DCTN1: variants seen among roughly 807,000 people sequenced by gnomAD.
DCTN1 encodes the protein dynactin subunit 1.
Under a neutral mutation model 161.2 loss-of-function variants are expected in DCTN1, and 61 were observed. The observed-to-expected ratio is 0.38, with a 90% CI of 0.31 to 0.47. The LOEUF is 0.47. Ranked by LOEUF, DCTN1 falls within the 20% of genes least tolerant of loss-of-function variation. The probability of loss-of-function intolerance (pLI) is 0.99; values close to 1 mark genes in which losing one functional copy is unlikely to be tolerated. For missense variants in DCTN1, 1,404 were observed against 1,623.7 expected (o/e 0.86, Z 2.33); for synonymous variants, 653 against 632.4 (o/e 1.03, Z -0.49).
At chr2:74,362,904 G>C in intron 29 of DCTN1, 90 bp downstream of exon 29, 4 of 1,459,532 alleles carry the variant, frequency 2.7e-6, no homozygotes, top group Non-Finnish European at 1.9e-6. Flanking sequence ...AAGAGCTTCT[G>C]TGGTGGGGGA....
chr2:74,375,747 A>G lies in DCTN1; in HGVS notation c.414+995T>C, dbSNP rs188548083. 1.7e-4 allele frequency among the ~76,000 whole-genome samples: 26 copies of G among 152,278 alleles called. 2 individuals carry two copies. In the East Asian group the frequency reaches 5.0e-3, roughly 29 times the overall value. On this transcript the variant is annotated intron_variant, in intron 5 of 31. Coordinates refer to ENST00000628224, the MANE Select transcript of DCTN1 (RefSeq NM_004082.5). ...GATCCTTCACAGCATTATTTTCCTT[A>G]TATCCCCATTCCCTACCAAAGCAAG...
At chr2:74,388,381 C>A (rs1391727516) in intron 1 of DCTN1, among the ~76,000 whole-genome samples, 1 of 152,152 alleles carries the variant, frequency 6.6e-6, no homozygotes, top group African/African-American at 2.4e-5. Flanking sequence ...CATCTCTAAA[C>A]AACAAAACAA....
intron 1 of DCTN1, among the ~76,000 whole-genome samples, chr2:74,379,392 C>A (rs1446263169): frequency 6.6e-6 from 1 of 152,182 alleles, no homozygotes; most frequent in African/African-American, 2.4e-5. Context: ...CACCTCCCAG[C>A]CTATCACTGC....
intron 15 of DCTN1, 70 bp from the exon 16 acceptor site, chr2:74,368,950 C>G (rs745872581): frequency 1.0e-5 from 16 of 1,592,896 alleles, no homozygotes; most frequent in Non-Finnish European, 1.3e-5. Flanking sequence ...ATGCCTTGCT[C>G]CAGTAGATCC....
chr2:74,365,021 CAGGAG>C, intron 26 of DCTN1, 49 bp downstream of exon 26: 1 of 1,610,630 alleles, frequency 6.2e-7, no homozygotes, highest in Non-Finnish European at 8.5e-7. Flanking sequence ...AGGCCAAGGA[CAGGAG>C]AGAAGACAAT....
chr2:74,379,133 G>A (rs1018090070), intron 1 of DCTN1, among the ~76,000 whole-genome samples: 2 of 152,094 alleles, frequency 1.3e-5, no homozygotes, highest in Admixed American at 6.6e-5. Context: ...TCTTAGCTTC[G>A]GCACACCCAT....
In DCTN1 at chr2:74,367,689, C is replaced by A. The variant is rs775383543; in HGVS notation, c.2184+7G>T. The A allele has an allele frequency of 2.5e-6, 4 of 1,614,130 alleles. No homozygotes were observed. The Admixed American group carries it at 6.7e-5, about 27-fold the overall frequency. ...TCCTGCCCCAAGCCCAAATTCTTGC[C>A]CCACACCTGATAGTACTTGATGGCC... is the stretch of plus-strand genomic sequence containing the variant. On this transcript the variant is annotated splice_region_variant and intron_variant, in intron 18 of 31. Coordinates refer to ENST00000628224, the MANE Select transcript of DCTN1 (RefSeq NM_004082.5).
intron 16 of DCTN1, 83 bp downstream of exon 16, chr2:74,368,645 G>A (rs1674601085): frequency 3.8e-6 from 6 of 1,592,578 alleles, no homozygotes; most frequent in Non-Finnish European, 4.3e-6. Flanking sequence ...CAGAGACTCT[G>A]TTGTCTTCAC....
chr2:74,375,577 C>CCA (rs1202820363), intron 5 of DCTN1, among the ~76,000 whole-genome samples: 2 of 152,176 alleles, frequency 1.3e-5, no homozygotes, highest in African/African-American at 4.8e-5. Context: ...CAGGGTCAGA[C>CCA]CAGGCTGGGG....
chr2:74,376,940 T>G (rs1229026097), intron 4 of DCTN1, among the ~76,000 whole-genome samples, 178 bp from the exon 5 acceptor site: 1 of 151,704 alleles, frequency 6.6e-6, no homozygotes, highest in Non-Finnish European at 1.5e-5. Flanking sequence ...AGCTGCAGAG[T>G]CTGCAGCCCC....
At position 74,366,823 on chromosome 2, in the gene DCTN1, T is replaced by A. The variant is rs781268909; in HGVS notation, c.2426A>T (p.Asp809Val). The change falls in exon 21 of 32, where the codon GAT becomes GTT. Residue 809 changes from aspartate (D) to valine (V), a missense_variant. This residue lies in a region of DCTN1 where 475 missense variants were observed against 489.8 expected (regional missense o/e 0.97). Transcript: ENST00000628224. ...CAGTGCAGCTGGGATCCCAGGAGCA[T>A]CTGTCCCTGGCATTCGCCTTCGGAT... ...KKIRRRMPGT[D>V]APGIPAALAF... 52 of 1,614,136 alleles carry A rather than the reference T, an allele frequency of 3.2e-5. 1 individual carries two copies. In the South Asian group the frequency reaches 5.7e-4, roughly 18 times the overall value.
chr2:74,363,648 TG>T lies in DCTN1; in HGVS notation c.3197-21del, dbSNP rs943937897. On this transcript the variant is annotated intron_variant, in intron 26 of 31. Coordinates refer to ENST00000628224, the MANE Select transcript of DCTN1 (RefSeq NM_004082.5). ...GTTCTTCTGTGCTCGGGATAGCCCA[TG>T]GGGGAGCAGGAAAAGAGGAGAGAGG... 1.2e-6 allele frequency: 2 copies of T among 1,613,250 alleles called. No homozygotes were observed. The highest frequency in any genetic ancestry group is 1.7e-6 in the Non-Finnish European group (2 of 1,179,732).
chr2:74,361,769 T>C lies in DCTN1; in HGVS notation c.3700-133A>G. 2.6e-6 allele frequency: 3 copies of C among 1,152,240 alleles called. No homozygotes were observed. The South Asian group carries it at 4.0e-5, about 15-fold the overall frequency. The allele number at this position is 1,152,240 out of a possible 1,614,324, so 71.4% of individuals were successfully genotyped here. A position where few individuals can be genotyped will look rare whatever the true frequency, so the allele number is the denominator to read the frequency against. ...GGGCTTCTGAGATCCTGGGCTATTG[T>C]GACCACATTTTTCAAATAAGAATGG... On this transcript the variant is annotated intron_variant, in intron 31 of 31. Coordinates refer to ENST00000628224, the MANE Select transcript of DCTN1 (RefSeq NM_004082.5).
rs1198096712 is a variant in DCTN1, at chr2:74,372,910, A to G, written c.453+18T>C. 6.2e-7 allele frequency: 1 copy of G among 1,613,858 alleles called. No individual in the cohort carries two copies. The highest frequency in any genetic ancestry group is 8.5e-7 in the Non-Finnish European group (1 of 1,179,744). On this transcript the variant is annotated intron_variant, in intron 7 of 31. Transcript: ENST00000628224. ...GTGTACACTCAGCAGTGGCTCACAC[A>G]GGGGCCTGTTTTCTCACCTTGGGTC...
At chr2:74,363,500 C>A (rs550103366) in intron 27 of DCTN1, 73 bp from the exon 28 acceptor site, 1 of 1,599,510 alleles carries the variant, frequency 6.3e-7, no homozygotes, top group Non-Finnish European at 8.5e-7. Context: ...TCCTACTCTT[C>A]CCCTTTCCTC....
intron 5 of DCTN1, among the ~76,000 whole-genome samples, chr2:74,375,775 C>T (rs1675186216): frequency 6.6e-6 from 1 of 152,148 alleles, no homozygotes; most frequent in African/African-American, 2.4e-5. Flanking sequence ...AAAGCAAGTA[C>T]CAGCATGTGG....
At chr2:74,379,965 C>G in intron 1 of DCTN1, 40 bp downstream of exon 1, 2 of 1,606,466 alleles carry the variant, frequency 1.2e-6, no homozygotes, top group Non-Finnish European at 1.7e-6. Context: ...AGGCCTTCCC[C>G]AGCAGCCCTC....
chr2:74,374,821 T>C, intron 5 of DCTN1: 9 of 932,920 alleles, frequency 9.6e-6, no homozygotes, highest in Non-Finnish European at 1.2e-5. Context: ...CCTGCTTCTT[T>C]CTCCAAAGAA....
At position 74,363,075 on chromosome 2, in the gene DCTN1, G is replaced by A. The variant is rs1194029274; in HGVS notation, c.3448C>T (p.Arg1150Cys). The A allele has an allele frequency of 1.3e-5, 21 of 1,613,886 alleles. No individual in the cohort carries two copies. The East Asian group carries it at 1.3e-4, about 10-fold the overall frequency. ...GTCTCCAGCAGCTGGCTGGTCTTAC[G>A]ATACAGCGCTCCAGCTGGTAACTCA... ...GSELPAGALYRKTSQLLETLN... is the reference protein window; with the variant it reads ...GSELPAGALYCKTSQLLETLN... The change falls in exon 29 of 32, where the codon CGT becomes TGT. Residue 1150 changes from arginine to cysteine, a missense_variant. Physicochemically the swap from Arg to Cys is radical, Grantham distance 180. Transcript: ENST00000628224.
Sources: allele counts gnomAD v4.1 joint callset (sites outside exome capture counted in the v4.1 genomes callset), GRCh38; gene constraint gnomAD v4.1.1; regional missense constraint gnomAD v4.1.1; transcripts MANE v1.5; gene names NCBI Gene and HGNC (gene_info 2026-07-23, HGNC 2026-07-21).